The following PCP4 variants were observed in gnomAD, a reference collection of about 807,000 sequenced individuals.
PCP4 encodes calmodulin regulator protein PCP4.
PCP4 carries 8 observed loss-of-function variants against 10.0 expected under a neutral mutation model. The observed-to-expected ratio is 0.80, with a 90% CI of 0.47 to 1.45. PCP4 has a LOEUF of 1.45. Ranked by LOEUF, PCP4 falls within the 40% of genes most tolerant of loss-of-function variation. The pLI is 0.00. For synonymous variants in PCP4, 21 were observed against 23.0 expected (o/e 0.91, Z 0.24); for missense variants, 54 against 74.4 (o/e 0.73, Z 1.01).
At chr21:39,883,970 T>G (rs2087388110) in intron 1 of PCP4, among the ~76,000 whole-genome samples, 1 of 152,172 alleles carries the variant, frequency 6.6e-6, no homozygotes, top group Non-Finnish European at 1.5e-5. Flanking sequence ...ATTGTTATTC[T>G]CATGTAATAA....
At chr21:39,914,573 C>CAAAAAAAAAAAAAAAA (rs55775259) in intron 2 of PCP4, among the ~76,000 whole-genome samples, 1 of 118,946 alleles carries the variant, frequency 8.4e-6, no homozygotes, top group Non-Finnish European at 1.7e-5. Context: ...AGAGCTGTCT[C>CAAAAAAAAAAAAAAAA]AAAAAAAAAA....
At chr21:39,881,591 G>C (rs1008775246) in intron 1 of PCP4, among the ~76,000 whole-genome samples, 1 of 152,160 alleles carries the variant, frequency 6.6e-6, no homozygotes, top group African/African-American at 2.4e-5. Context: ...TCTGAGTGAT[G>C]CATTACTGAG....
At chr21:39,915,681 A>G (rs2087565571) in intron 2 of PCP4, among the ~76,000 whole-genome samples, 1 of 152,196 alleles carries the variant, frequency 6.6e-6, no homozygotes, top group Non-Finnish European at 1.5e-5. Flanking sequence ...TTGCACCTAC[A>G]TTTCAGCCAA....
intron 2 of PCP4, among the ~76,000 whole-genome samples, chr21:39,914,419 TAC>T (rs1254297536): frequency 6.6e-6 from 1 of 151,816 alleles, no homozygotes; most frequent in East Asian, 1.9e-4. Flanking sequence ...ACTAAAAACA[TAC>T]ACACACAAAA....
intron 2 of PCP4, among the ~76,000 whole-genome samples, chr21:39,920,720 C>T (rs970731061): frequency 6.6e-6 from 1 of 152,132 alleles, no homozygotes; most frequent in Non-Finnish European, 1.5e-5. Flanking sequence ...TCTGTCATGC[C>T]CTAGGTGACT....
At chr21:39,884,826 G>A (rs1308357288) in intron 1 of PCP4, among the ~76,000 whole-genome samples, 1 of 151,866 alleles carries the variant, frequency 6.6e-6, no homozygotes, top group Non-Finnish European at 1.5e-5. Context: ...GAGAGAGACA[G>A]AGATTATTCT....
intron 1 of PCP4, among the ~76,000 whole-genome samples, chr21:39,882,775 A>G (rs2087381917): frequency 6.6e-6 from 1 of 152,204 alleles, no homozygotes; most frequent in African/African-American, 2.4e-5. Context: ...GGCAGGGCTC[A>G]GTTTCTGTCA....
intron 1 of PCP4, among the ~76,000 whole-genome samples, chr21:39,884,135 C>T (rs2087388833): frequency 6.6e-6 from 1 of 151,612 alleles, no homozygotes; most frequent in African/African-American, 2.4e-5. Flanking sequence ...GTAAAATCTA[C>T]CCCTTTTAGT....
At chr21:39,916,632 TAAATC>T (rs2087569785) in intron 2 of PCP4, among the ~76,000 whole-genome samples, 1 of 152,224 alleles carries the variant, frequency 6.6e-6, no homozygotes, top group African/African-American at 2.4e-5. Flanking sequence ...CAAAGGGATA[TAAATC>T]ATTCTATTAC....
At chr21:39,907,080 T>C (rs951188186) in intron 2 of PCP4, among the ~76,000 whole-genome samples, 1 of 152,108 alleles carries the variant, frequency 6.6e-6, no homozygotes, top group Non-Finnish European at 1.5e-5. Flanking sequence ...AATTTGTAGG[T>C]TTCATATTAG....
At chr21:39,907,687 C>A (rs2087519057) in intron 2 of PCP4, among the ~76,000 whole-genome samples, 1 of 152,060 alleles carries the variant, frequency 6.6e-6, no homozygotes, top group Non-Finnish European at 1.5e-5. Flanking sequence ...ATCCCAGTTA[C>A]TTGGGAGGCT....
At chr21:39,876,339 G>A (rs1361967048) in intron 1 of PCP4, among the ~76,000 whole-genome samples, 1 of 151,972 alleles carries the variant, frequency 6.6e-6, no homozygotes, top group Non-Finnish European at 1.5e-5. Flanking sequence ...ACTACTTTTG[G>A]TACCTCCTGT....
intron 2 of PCP4, among the ~76,000 whole-genome samples, chr21:39,920,346 GGTGTGTTTGCATATGTGGTATGAT>G (rs1325800237): frequency 6.8e-6 from 1 of 147,324 alleles, no homozygotes; most frequent in Admixed American, 6.8e-5. Flanking sequence ...GTATGTGTGT[GGTGTGTTTGCATATGTGGTATGAT>G]GTGTGTTTGG....
At chr21:39,881,770 A>G (rs1343302041) in intron 1 of PCP4, among the ~76,000 whole-genome samples, 1 of 152,184 alleles carries the variant, frequency 6.6e-6, no homozygotes, top group East Asian at 1.9e-4. Context: ...GAGGCATAAT[A>G]TGTCTGCATC....
chr21:39,887,214 A>G (rs1568852446), intron 1 of PCP4, among the ~76,000 whole-genome samples: 1 of 152,250 alleles, frequency 6.6e-6, no homozygotes, highest in Non-Finnish European at 1.5e-5. Flanking sequence ...CAGGAATAGA[A>G]CGTAGTATTT....
intron 2 of PCP4, 134 bp from the exon 3 acceptor site, chr21:39,928,850 T>A: frequency 1.3e-6 from 1 of 756,000 alleles, no homozygotes; most frequent in South Asian, 1.9e-5. Context: ...AGATGAGCTC[T>A]TGTCCTGGGG....
At chr21:39,915,890 G>C (rs1601187325) in intron 2 of PCP4, among the ~76,000 whole-genome samples, 2 of 152,212 alleles carry the variant, frequency 1.3e-5, no homozygotes, top group East Asian at 3.9e-4. Flanking sequence ...CTAAGAAAAA[G>C]GGGATAAACA....
chr21:39,913,610 A>G (rs1601186507), intron 2 of PCP4, among the ~76,000 whole-genome samples: 1 of 152,104 alleles, frequency 6.6e-6, no homozygotes, highest in African/African-American at 2.4e-5. Flanking sequence ...TAGAGCATGA[A>G]ACGAAACACA....
In PCP4 at chr21:39,919,116, T is replaced by C. The variant is rs564692025; in HGVS notation, c.62-9868T>C. On this transcript the variant is annotated intron_variant, in intron 2 of 2. Transcript: ENST00000328619. ...AAAGCAAGGTGCAATCCTTGCTTGC[T>C]TTGTTACCTGTCTCTTTGGCTTTCT... 3.3e-5 allele frequency among the ~76,000 whole-genome samples: 5 copies of C among 152,328 alleles called. No homozygotes were observed. In the South Asian group the frequency reaches 6.2e-4, roughly 19 times the overall value.
Sources: allele counts gnomAD v4.1 joint callset (sites outside exome capture counted in the v4.1 genomes callset), GRCh38; gene constraint gnomAD v4.1.1; transcripts MANE v1.5; gene names NCBI Gene and HGNC (gene_info 2026-07-23, HGNC 2026-07-21).